The following TENM3 variants were observed in gnomAD, a reference collection of about 807,000 sequenced individuals.
TENM3 encodes teneurin transmembrane protein 3, also known as teneurin-3.
Under a neutral mutation model 255.1 loss-of-function variants are expected in TENM3, and 63 were observed. The ratio of observed to expected loss-of-function variants is 0.25; its 90% confidence interval spans 0.20 to 0.30. The LOEUF (loss-of-function observed/expected upper bound fraction) is 0.30, where lower values mean the gene tolerates loss of function less well. TENM3 is among the 10% of genes least tolerant of loss of function. The pLI, the probability that TENM3 is intolerant of heterozygous loss-of-function variation, is 1.00. For synonymous variants in TENM3, 1,306 were observed against 1,322.3 expected (o/e 0.99, Z 0.27); for missense variants, 2,929 against 3,461.1 (o/e 0.85, Z 3.86).
the TENM3 span, among the ~76,000 whole-genome samples, chr4:181,655,511 A>G: frequency 6.6e-6 from 1 of 152,330 alleles, no homozygotes; most frequent in Middle Eastern, 3.4e-3. Flanking sequence ...ATGCCTGTTC[A>G]CATAGCCTAC....
intron 1 of TENM3, among the ~76,000 whole-genome samples, chr4:182,193,627 C>A (rs1249046752): frequency 2.0e-5 from 3 of 152,142 alleles, no homozygotes; most frequent in African/African-American, 7.2e-5. Flanking sequence ...ATAATTACTA[C>A]ATTAGATTTG....
chr4:181,667,918 T>C, the TENM3 span, among the ~76,000 whole-genome samples: 1 of 152,158 alleles, frequency 6.6e-6, no homozygotes, highest in African/African-American at 2.4e-5. Flanking sequence ...CACTTACCTC[T>C]TCTACCAGGG....
the TENM3 span, among the ~76,000 whole-genome samples, chr4:181,555,500 T>C: frequency 6.6e-6 from 1 of 152,360 alleles, no homozygotes; most frequent in African/African-American, 2.4e-5. Flanking sequence ...CAAGCAACCA[T>C]ATTTAATTGA....
intron 3 of TENM3, among the ~76,000 whole-genome samples, chr4:182,460,977 T>G (rs1157897273): frequency 6.6e-6 from 1 of 152,224 alleles, no homozygotes; most frequent in Admixed American, 6.5e-5. Context: ...TGCTACCTAG[T>G]AAGCGCTTTA....
At chr4:182,051,235 C>G in the TENM3 span, among the ~76,000 whole-genome samples, 1 of 151,444 alleles carries the variant, frequency 6.6e-6, no homozygotes, top group Non-Finnish European at 1.5e-5. Context: ...CCCAGCTACT[C>G]GGGAGGCTAA....
At chr4:182,022,967 T>A in the TENM3 span, among the ~76,000 whole-genome samples, 1 of 152,338 alleles carries the variant, frequency 6.6e-6, no homozygotes, top group South Asian at 2.1e-4. Context: ...TTTTTTCAAA[T>A]ATAAAAGCTT....
intron 21 of TENM3, 147 bp downstream of exon 21, chr4:182,753,751 G>T: frequency 1.6e-6 from 1 of 615,140 alleles, no homozygotes; most frequent in East Asian, 3.0e-5. Flanking sequence ...ATGTATCACA[G>T]GAGCTAATAA....
chr4:182,611,695 C>A (rs1354694404), intron 4 of TENM3, among the ~76,000 whole-genome samples: 1 of 152,102 alleles, frequency 6.6e-6, no homozygotes, highest in Non-Finnish European at 1.5e-5. Context: ...GGGACTATTT[C>A]CAAATGTAAA....
At chr4:181,613,209 C>T in the TENM3 span, among the ~76,000 whole-genome samples, 1 of 152,174 alleles carries the variant, frequency 6.6e-6, no homozygotes, top group Non-Finnish European at 1.5e-5. Context: ...AGTTTAGATG[C>T]TACGTACGTG....
the TENM3 span, among the ~76,000 whole-genome samples, chr4:181,472,664 T>C: frequency 6.6e-6 from 1 of 152,196 alleles, no homozygotes; most frequent in East Asian, 1.9e-4. Flanking sequence ...GAAATCCTCC[T>C]GACTTGGGAG....
chr4:182,373,920 C>T (rs1767010036), intron 3 of TENM3, among the ~76,000 whole-genome samples: 2 of 152,090 alleles, frequency 1.3e-5, no homozygotes, highest in South Asian at 2.1e-4. Context: ...ATACTGTTAT[C>T]CAAGTTTTCT....
At chr4:182,765,265 T>A (rs7677972) in intron 22 of TENM3, among the ~76,000 whole-genome samples, 43,219 of 152,014 alleles carry the variant, frequency 0.28, 6,703 homozygotes, top group African/African-American at 0.41. Flanking sequence ...TGGTGACAAG[T>A]GGAAAAAAAG....
the TENM3 span, among the ~76,000 whole-genome samples, chr4:181,965,616 G>A: frequency 2.6e-5 from 4 of 152,182 alleles, no homozygotes; most frequent in Middle Eastern, 0.01. Context: ...GGCAGCCAAC[G>A]TTCAGTCCAT....
At chr4:181,689,994 G>A in the TENM3 span, among the ~76,000 whole-genome samples, 20 of 152,182 alleles carry the variant, frequency 1.3e-4, no homozygotes, top group East Asian at 1.7e-3. Flanking sequence ...GCAGGGGTGC[G>A]GTTTCAATTG....
chr4:182,619,202 C>T (rs764388236), intron 4 of TENM3, among the ~76,000 whole-genome samples: 1 of 151,874 alleles, frequency 6.6e-6, no homozygotes, highest in Non-Finnish European at 1.5e-5. Context: ...CCGAGGCAAG[C>T]GGATCACGAG....
intron 3 of TENM3, among the ~76,000 whole-genome samples, chr4:182,414,145 C>A (rs1561421855): frequency 1.3e-5 from 2 of 152,142 alleles, no homozygotes; most frequent in African/African-American, 2.4e-5. Flanking sequence ...AAATTAATTT[C>A]TTCCTTTAGA....
At chr4:182,156,846 C>A (rs1301501312) in intron 1 of TENM3, among the ~76,000 whole-genome samples, 1 of 152,080 alleles carries the variant, frequency 6.6e-6, no homozygotes, top group Non-Finnish European at 1.5e-5. Context: ...GCTCTTGTGT[C>A]CAAGTGGCTG....
chr4:182,733,329 C>G (rs1760917595), intron 16 of TENM3, among the ~76,000 whole-genome samples: 1 of 152,188 alleles, frequency 6.6e-6, no homozygotes, highest in African/African-American at 2.4e-5. Flanking sequence ...GCAAAGATAA[C>G]TCTTTGAGAA....
chr4:182,741,547 A>G (rs1364379711), intron 18 of TENM3, among the ~76,000 whole-genome samples: 1 of 152,236 alleles, frequency 6.6e-6, no homozygotes, highest in Non-Finnish European at 1.5e-5. Flanking sequence ...GTAGAGCGGT[A>G]GTCTGACTTG....
Sources: allele counts gnomAD v4.1 joint callset (sites outside exome capture counted in the v4.1 genomes callset), GRCh38; gene constraint gnomAD v4.1.1; transcripts MANE v1.5; gene names NCBI Gene and HGNC (gene_info 2026-07-23, HGNC 2026-07-21).